Variants in SLC24A2 observed in about 807,000 individuals in gnomAD.
The protein encoded by SLC24A2 is solute carrier family 24 member 2.
Under a neutral mutation model 62.0 loss-of-function variants are expected in SLC24A2, and 36 were observed. The observed-to-expected ratio is 0.58, with a 90% confidence interval of 0.44 to 0.77. The LOEUF is 0.77. Among genes scored for constraint, SLC24A2 ranks in the 30% least tolerant of loss-of-function variants. SLC24A2 has a pLI of 0.00. For synonymous variants in SLC24A2, 358 were observed against 294.0 expected, an observed-to-expected ratio of 1.22 and a Z score of -2.23; for missense variants, 846 against 817.9, an observed-to-expected ratio of 1.03 and a Z score of -0.42.
the SLC24A2 span, among the ~76,000 whole-genome samples, chr9:20,247,283 T>C: frequency 1.3e-5 from 2 of 152,214 alleles, no homozygotes; most frequent in African/African-American, 4.8e-5. Flanking sequence ...GCTATCATCC[T>C]TACGTAAGCA....
At chr9:20,115,643 G>T in the SLC24A2 span, among the ~76,000 whole-genome samples, 1 of 152,096 alleles carries the variant, frequency 6.6e-6, no homozygotes, top group African/African-American at 2.4e-5. Context: ...TCCTTTGAAG[G>T]CTTGATTTAT....
chr9:20,198,370 C>G, the SLC24A2 span, among the ~76,000 whole-genome samples: 13 of 152,326 alleles, frequency 8.5e-5, no homozygotes, highest in African/African-American at 3.1e-4. Flanking sequence ...CATGCAGTCT[C>G]TGGTTTTAGA....
chr9:20,047,960 T>C, the SLC24A2 span, among the ~76,000 whole-genome samples: 1 of 152,072 alleles, frequency 6.6e-6, no homozygotes, highest in African/African-American at 2.4e-5. Flanking sequence ...GGTTAGTAGT[T>C]AGGTTGAAGT....
At chr9:19,563,102 A>C (rs1835484009) in intron 7 of SLC24A2, among the ~76,000 whole-genome samples, 1 of 151,860 alleles carries the variant, frequency 6.6e-6, no homozygotes, top group Non-Finnish European at 1.5e-5. Context: ...CAAGACCCCA[A>C]CTCTAAAAAA....
intron 2 of SLC24A2, among the ~76,000 whole-genome samples, chr9:19,648,785 TA>T (rs1204871659): frequency 6.6e-6 from 1 of 152,070 alleles, no homozygotes; most frequent in African/African-American, 2.4e-5. Flanking sequence ...AAACATTCTA[TA>T]AAAGGGTCAA....
Position 19,786,255 on chromosome 9 carries a change from G to A in SLC24A2, c.612C>T (p.Gly204=), listed in dbSNP as rs1823167123. The A allele has an allele frequency of 2.5e-6, 4 of 1,614,002 alleles. No individual in the cohort carries two copies. The highest frequency in any genetic ancestry group is 2.2e-5 in the South Asian group (2 of 91,088). Residue 204 remains glycine (G), a synonymous_variant, in exon 2 of 11, where the codon GGC becomes GGT. Coordinates refer to ENST00000341998, the MANE Select transcript of SLC24A2 (RefSeq NM_020344.4). The surrounding 1 kb of genome is among the most constrained non-coding windows in gnomAD (Gnocchi z 5.0). ...CTGCTGAACCTACAATTGTGCCTAT[G>A]CCAACGTTGCTGTGAGCGATAAATA... ...IGVFIAHSNV[G]IGTIVGSAVF...
At chr9:19,688,651 C>A (rs1361621479) in intron 2 of SLC24A2, among the ~76,000 whole-genome samples, 1 of 152,072 alleles carries the variant, frequency 6.6e-6, no homozygotes, top group Non-Finnish European at 1.5e-5. Context: ...GGACGCAAAG[C>A]AGAATGTGTT....
the SLC24A2 span, among the ~76,000 whole-genome samples, chr9:20,067,271 A>C: frequency 6.6e-6 from 1 of 152,220 alleles, no homozygotes; most frequent in African/African-American, 2.4e-5. Flanking sequence ...TGAACTCTTC[A>C]TGATGTCCCA....
rs533742578 is a variant in SLC24A2 at position 19,515,803 on chromosome 9, G to A, written c.*350C>T. 7 of 332,538 alleles carry A rather than the reference G, an allele frequency of 2.1e-5. No homozygotes were observed. Among genetic ancestry groups the A allele is most frequent in the South Asian group, 1.8e-4 (7 of 38,230 alleles). The allele number at this position is 332,538 out of a possible 1,614,324, so 20.6% of individuals were successfully genotyped here. A position where few individuals can be genotyped will look rare whatever the true frequency, so the allele number is the denominator to read the frequency against. On this transcript the variant is annotated 3_prime_UTR_variant, in exon 11 of 11. Transcript: ENST00000341998. Reference sequence around the variant, plus strand: ...GAACAGGCAGGATTTGTGTGTTCATGTGCGTATATTTATAATATGTGTATT... The same window carrying A: ...GAACAGGCAGGATTTGTGTGTTCATATGCGTATATTTATAATATGTGTATT...
chr9:20,108,243 G>A, the SLC24A2 span, among the ~76,000 whole-genome samples: 3 of 152,100 alleles, frequency 2.0e-5, no homozygotes, highest in Non-Finnish European at 2.9e-5. Flanking sequence ...CTTTTACACC[G>A]TTGATGGGAC....
chr9:19,735,320 C>T (rs1821473521), intron 2 of SLC24A2, among the ~76,000 whole-genome samples: 1 of 152,102 alleles, frequency 6.6e-6, no homozygotes, highest in Non-Finnish European at 1.5e-5. Flanking sequence ...CCATCTCACA[C>T]CAGTTAGAAT....
At chr9:20,025,409 G>A in the SLC24A2 span, among the ~76,000 whole-genome samples, 3 of 152,052 alleles carry the variant, frequency 2.0e-5, no homozygotes, top group Non-Finnish European at 4.4e-5. Context: ...GACTGGCCTA[G>A]AAGTAATATT....
intron 2 of SLC24A2, among the ~76,000 whole-genome samples, chr9:19,779,499 C>A (rs1822946413): frequency 6.6e-6 from 1 of 152,118 alleles, no homozygotes; most frequent in Admixed American, 6.5e-5. Context: ...CTACTTTTGT[C>A]CTATATTTCA....
chr9:20,147,078 C>A, the SLC24A2 span, among the ~76,000 whole-genome samples: 2 of 152,136 alleles, frequency 1.3e-5, no homozygotes, highest in African/African-American at 4.8e-5. Flanking sequence ...AGGATAAATT[C>A]TTGTCAAAAA....
chr9:20,261,733 C>CTTTTTTTTTTTTTTTTTT, the SLC24A2 span, among the ~76,000 whole-genome samples: 2 of 75,292 alleles, frequency 2.7e-5, no homozygotes, highest in Non-Finnish European at 4.7e-5. Context: ...AACACCAAAT[C>CTTTTTTTTTTTTTTTTTT]TTTTTTTTTT....
intron 8 of SLC24A2, among the ~76,000 whole-genome samples, chr9:19,535,266 G>A (rs1833902203): frequency 6.6e-6 from 1 of 152,052 alleles, no homozygotes; most frequent in South Asian, 2.1e-4. Flanking sequence ...TTTGTCAGAT[G>A]GATAGATTGC....
chr9:20,270,530 T>G, the SLC24A2 span, among the ~76,000 whole-genome samples: 67,529 of 152,014 alleles, frequency 0.44, 15,199 homozygotes, highest in African/African-American at 0.52. Flanking sequence ...AGCCTTTAGC[T>G]GTTTCTTGGT....
upstream of SLC24A2, among the ~76,000 whole-genome samples, chr9:19,793,207 T>G (rs144197965): frequency 2.5e-3 from 375 of 152,372 alleles, 2 homozygotes; most frequent in African/African-American, 8.1e-3. Context: ...CACAGTGGCT[T>G]AAAACAATGA....
At chr9:19,727,284 C>T (rs1208446519) in intron 2 of SLC24A2, among the ~76,000 whole-genome samples, 1 of 152,000 alleles carries the variant, frequency 6.6e-6, no homozygotes, top group African/African-American at 2.4e-5. Context: ...TTGATCATCA[C>T]CCATGAAACA....
Sources: allele counts gnomAD v4.1 joint callset (sites outside exome capture counted in the v4.1 genomes callset), GRCh38; gene constraint gnomAD v4.1.1; non-coding constraint Gnocchi (gnomAD v3.1); transcripts MANE v1.5; gene names NCBI Gene and HGNC (gene_info 2026-07-23, HGNC 2026-07-21).